The following WDR59 variants were observed in gnomAD, a reference collection of about 807,000 sequenced individuals.
The protein encoded by WDR59 is WD repeat domain 59.
WDR59 carries 100 observed loss-of-function variants against 131.2 expected under a neutral mutation model. The observed-to-expected ratio is 0.76, with a 90% CI of 0.65 to 0.90. The LOEUF is 0.90. WDR59 is among the 40% of genes least tolerant of loss of function. The pLI is 0.00. For synonymous variants in WDR59, 601 were observed against 466.2 expected, an observed-to-expected ratio of 1.29 and a Z score of -3.72; for missense variants, 1,203 against 1,262.2, an observed-to-expected ratio of 0.95 and a Z score of 0.71.
intron 10 of WDR59, 30 bp downstream of exon 10, chr16:74,921,917 G>C (rs770759910): frequency 1.9e-6 from 3 of 1,607,562 alleles, no homozygotes; most frequent in Non-Finnish European, 1.7e-6. Flanking sequence ...AGCTCAGAAG[G>C]AAAGTGGGCA....
chr16:74,950,867 A>G (rs2032952627), intron 4 of WDR59, among the ~76,000 whole-genome samples: 1 of 151,940 alleles, frequency 6.6e-6, no homozygotes, highest in Admixed American at 6.6e-5. Context: ...GTTGAAAATC[A>G]GCTCTAGGCC....
intron 17 of WDR59, among the ~76,000 whole-genome samples, chr16:74,905,864 C>CA (rs994957989): frequency 1.3e-5 from 2 of 151,802 alleles, no homozygotes; most frequent in African/African-American, 4.8e-5. Context: ...AATTTGCAAC[C>CA]AAAATAGATA....
chr16:74,977,496 G>C (rs1330615322), intron 1 of WDR59, among the ~76,000 whole-genome samples: 2 of 151,954 alleles, frequency 1.3e-5, no homozygotes, highest in African/African-American at 2.4e-5. Flanking sequence ...AGACCATCCT[G>C]ACTAACACGG....
At chr16:74,888,414 G>T in intron 21 of WDR59, 95 bp from the exon 22 acceptor site, 1 of 1,301,466 alleles carries the variant, frequency 7.7e-7, no homozygotes, top group Non-Finnish European at 1.0e-6. Context: ...ACAGGGGTGG[G>T]AAGGGAGGAG....
Position 74,971,621 on chromosome 16 carries a change from TG to T in WDR59, c.55-5800del, listed in dbSNP as rs371765716. On this transcript the variant is annotated intron_variant, in intron 1 of 25. Transcript: ENST00000262144. ...CTGTTTTTTGTATTTTTAATAGAGA[TG>T]GGGTTTCACCATGTCGGCCAGGCTG... is the stretch of plus-strand genomic sequence containing the variant. Among the ~76,000 whole-genome samples, 23 of 151,922 alleles carry T rather than the reference TG, an allele frequency of 1.5e-4. 3 individuals carry two copies. Among genetic ancestry groups the T allele is most frequent in the South Asian group, 1.0e-3 (5 of 4,812 alleles).
Position 74,885,741 on chromosome 16 carries a change from C to T in WDR59, c.2601G>A (p.Gly867=). Reference sequence around the variant, plus strand: ...TCAGACCCCAACGGTAGAGGATTTCCCCATAGCATTTCTTAAAGTCATCAA... The same window carrying T: ...TCAGACCCCAACGGTAGAGGATTTCTCCATAGCATTTCTTAAAGTCATCAA... The part of the protein sequence containing the change: ...QQFDDFKKCY[G]EILYRWGLRE... The change falls in exon 25 of 26, where the codon GGG becomes GGA. Residue 867 remains glycine (G), a synonymous_variant. Coordinates refer to ENST00000262144, the MANE Select transcript of WDR59 (RefSeq NM_030581.4). 1 of 1,614,098 alleles carries T rather than the reference C, an allele frequency of 6.2e-7. No individual in the cohort carries two copies. Among genetic ancestry groups the T allele is most frequent in the Non-Finnish European group, 8.5e-7 (1 of 1,180,026 alleles).
At chr16:74,973,987 T>C (rs926304454) in intron 1 of WDR59, among the ~76,000 whole-genome samples, 5 of 152,088 alleles carry the variant, frequency 3.3e-5, no homozygotes, top group South Asian at 2.1e-4. Context: ...CTGGCCAACA[T>C]GGTGAAACCT....
At chr16:74,976,847 A>C (rs1365301165) in intron 1 of WDR59, among the ~76,000 whole-genome samples, 1 of 152,074 alleles carries the variant, frequency 6.6e-6, no homozygotes, top group Non-Finnish European at 1.5e-5. Flanking sequence ...GCTCTATAAA[A>C]AATACAAACA....
chr16:74,893,870 T>C lies in WDR59; in HGVS notation c.1867-58A>G, dbSNP rs1965163684. On this transcript the variant is annotated intron_variant, in intron 18 of 25. Transcript: ENST00000262144. ...GACTTTGACAAGTGGAAACCAACAA[T>C]TGCAGAGCTCATCATATTGGGGTCA... 1.3e-5 allele frequency: 21 copies of C among 1,592,324 alleles called. No homozygotes were observed. The South Asian group carries it at 2.3e-4, about 18-fold the overall frequency.
chr16:74,953,343 C>T (rs2033110741), intron 3 of WDR59, among the ~76,000 whole-genome samples: 1 of 151,590 alleles, frequency 6.6e-6, no homozygotes. Flanking sequence ...CATGGTGGCA[C>T]GTGCCTGTAG....
intron 21 of WDR59, among the ~76,000 whole-genome samples, chr16:74,888,644 G>C (rs550363054): frequency 1.8e-4 from 27 of 152,308 alleles, no homozygotes; most frequent in African/African-American, 6.3e-4. Context: ...CCTGACATCT[G>C]AGCGAGCCAA....
chr16:74,952,445 C>CAAAAA (rs61448932), intron 3 of WDR59, among the ~76,000 whole-genome samples: 1,292 of 55,022 alleles, frequency 0.023, 3 homozygotes, highest in Non-Finnish European at 0.029. Context: ...CCATCTCAAA[C>CAAAAA]AAAAAAAAAA....
chr16:74,942,526 A>G (rs770228381), intron 7 of WDR59, among the ~76,000 whole-genome samples: 6 of 152,108 alleles, frequency 3.9e-5, no homozygotes, highest in Non-Finnish European at 8.8e-5. Flanking sequence ...TGATTTTTTC[A>G]ACCACTGTTC....
intron 16 of WDR59, among the ~76,000 whole-genome samples, chr16:74,909,205 C>A (rs1438937582): frequency 6.6e-6 from 1 of 152,102 alleles, no homozygotes; most frequent in Non-Finnish European, 1.5e-5. Flanking sequence ...ATCAGCAGGA[C>A]TCTAAGCCTC....
intron 1 of WDR59, among the ~76,000 whole-genome samples, chr16:74,980,951 C>G (rs184542037): frequency 6.8e-6 from 1 of 146,626 alleles, no homozygotes; most frequent in Non-Finnish European, 1.5e-5. Flanking sequence ...GGCAACAGAG[C>G]GAGACTCCAT....
At chr16:74,943,239 CCT>C (rs1491098365) in intron 6 of WDR59, among the ~76,000 whole-genome samples, 2 of 120,706 alleles carry the variant, frequency 1.7e-5, no homozygotes, top group Non-Finnish European at 3.3e-5. Context: ...ATGCCTGCCC[CCT>C]TTTTTTTTTT....
chr16:74,874,488 T>A, intron 25 of WDR59, 44 bp from the exon 26 acceptor site: 1 of 1,581,846 alleles, frequency 6.3e-7, no homozygotes. Flanking sequence ...CAGCATGAGT[T>A]TAGTTCTGAA....
At chr16:74,908,473 T>C (rs1290993904) in intron 17 of WDR59, among the ~76,000 whole-genome samples, 2 of 152,204 alleles carry the variant, frequency 1.3e-5, no homozygotes, top group Admixed American at 6.5e-5. Context: ...GTACTACTTA[T>C]GGAATGTTTT....
intron 11 of WDR59, among the ~76,000 whole-genome samples, chr16:74,916,887 C>G (rs918967377): frequency 2.8e-4 from 43 of 151,592 alleles, no homozygotes; most frequent in African/African-American, 1.0e-3. Flanking sequence ...ACCATAACCT[C>G]AAGGCATTTG....
Sources: gnomAD v4.1 joint callset for allele counts (sites outside exome capture counted in the v4.1 genomes callset) on GRCh38, gnomAD v4.1.1 for gene constraint, MANE v1.5 for transcripts, NCBI Gene and HGNC (gene_info 2026-07-23, HGNC 2026-07-21) for gene names.